The following TMED5 variants were observed in gnomAD, a reference collection of about 807,000 sequenced individuals.
The protein encoded by TMED5 is transmembrane p24 trafficking protein 5.
Under a neutral mutation model 23.0 loss-of-function variants are expected in TMED5, and 27 were observed. The observed-to-expected ratio is 1.17, with a 90% confidence interval of 0.86 to 1.62. The LOEUF (loss-of-function observed/expected upper bound fraction) is 1.62, where lower values mean the gene tolerates loss of function less well. TMED5 is among the 40% of genes most tolerant of loss of function. The pLI is 0.00. For missense variants in TMED5, 248 were observed against 273.7 expected (o/e 0.91, Z 0.66); for synonymous variants, 97 against 100.8 (o/e 0.96, Z 0.23).
rs1359060153 is a variant in TMED5, at chr1:93,150,512, T to C, written c.*4158A>G. The C allele has an allele frequency of 1.3e-5, 2 of 152,252 alleles. No individual in the cohort carries two copies. The highest frequency in any genetic ancestry group is 2.9e-5 in the Non-Finnish European group (2 of 68,044). The allele number at this position is 152,252 out of a possible 1,614,324, so 9.4% of individuals were successfully genotyped here. On this transcript the variant is annotated 3_prime_UTR_variant, in exon 4 of 4. Coordinates refer to ENST00000370282, the MANE Select transcript of TMED5 (RefSeq NM_016040.5). ...TATGTTAAATGTATGTTTAGTTTTA[T>C]AAGAAACTGCCAAGAATATTTTCCA...
chr1:93,180,270 G>A lies in TMED5; in HGVS notation c.-28C>T. On this transcript the variant is annotated 5_prime_UTR_variant, in exon 1 of 4. Transcript: ENST00000370282. ...CTGCTGGGGCGATCCCGGGCTGAAA[G>A]AGGCGTCAGGTACTGTTGTCTCCGC... The A allele has an allele frequency of 6.3e-7, 1 of 1,589,914 alleles. No individual in the cohort carries two copies. Among genetic ancestry groups the A allele is most frequent in the Non-Finnish European group, 8.5e-7 (1 of 1,171,340 alleles).
At chr1:93,168,216 AG>A (rs1037931255) in intron 1 of TMED5, among the ~76,000 whole-genome samples, 12 of 152,200 alleles carry the variant, frequency 7.9e-5, no homozygotes, top group Non-Finnish European at 1.3e-4. Context: ...AAGGCAGAAA[AG>A]GGGGGAAAGA....
intron 1 of TMED5, among the ~76,000 whole-genome samples, chr1:93,179,385 AC>A (rs1177301347): frequency 1.2e-3 from 174 of 144,888 alleles, no homozygotes; most frequent in African/African-American, 3.9e-3. Flanking sequence ...AAAAAAAAAA[AC>A]AATGACACGA....
chr1:93,151,877 A>G lies in TMED5; in HGVS notation c.*2793T>C, dbSNP rs1349983899. The G allele has an allele frequency of 6.6e-6, 1 of 152,238 alleles. No homozygotes were observed. The highest frequency in any genetic ancestry group is 2.4e-5 in the African/African-American group (1 of 41,472). The allele number at this position is 152,238 out of a possible 1,614,324, so 9.4% of individuals were successfully genotyped here. A position where few individuals can be genotyped will look rare whatever the true frequency, so the allele number is the denominator to read the frequency against. On this transcript the variant is annotated 3_prime_UTR_variant, in exon 4 of 4. Coordinates refer to ENST00000370282, the MANE Select transcript of TMED5 (RefSeq NM_016040.5). The stretch of plus-strand genomic sequence containing the variant: ...TTCTTTGATAATTTTTATTATATAC[A>G]TATCAGTACTCACAATACGTTGCTT...
intron 1 of TMED5, among the ~76,000 whole-genome samples, chr1:93,164,484 TAGAGATCAC>T (rs1223110305): frequency 6.6e-6 from 1 of 152,138 alleles, no homozygotes; most frequent in Non-Finnish European, 1.5e-5. Flanking sequence ...CACCAGTACA[TAGAGATCAC>T]AAGAAAGCTT....
At chr1:93,175,532 A>G (rs1335306962) in intron 1 of TMED5, among the ~76,000 whole-genome samples, 2 of 151,662 alleles carry the variant, frequency 1.3e-5, no homozygotes, top group Admixed American at 1.3e-4. Flanking sequence ...AGATCAATAA[A>G]GTAGTCCTAT....
chr1:93,161,954 A>G (rs374067630), intron 1 of TMED5: 1 of 152,306 alleles, frequency 6.6e-6, no homozygotes, highest in African/African-American at 2.4e-5. Context: ...TACAAATTAA[A>G]GTGTCTCAGT....
At chr1:93,155,036 C>G (rs1352676461) in intron 3 of TMED5, 148 bp from the exon 4 acceptor site, 2 of 611,940 alleles carry the variant, frequency 3.3e-6, no homozygotes, top group Non-Finnish European at 5.7e-6. Context: ...CCCAGGAGTT[C>G]AAGACTGGGC....
At chr1:93,158,647 T>G (rs370667375) in intron 2 of TMED5, among the ~76,000 whole-genome samples, 1 of 151,004 alleles carries the variant, frequency 6.6e-6, no homozygotes, top group Non-Finnish European at 1.5e-5. Flanking sequence ...CTCAGCTCAC[T>G]GCAACCTCCG....
rs1647885668 is a variant in TMED5 at position 93,151,882 on chromosome 1, A to C, written c.*2788T>G. ...TGATAATTTTTATTATATACATATC[A>C]GTACTCACAATACGTTGCTTATTTA... On this transcript the variant is annotated 3_prime_UTR_variant, in exon 4 of 4. Transcript: ENST00000370282. 1 of 152,244 alleles carries C rather than the reference A, an allele frequency of 6.6e-6. No individual in the cohort carries two copies. The highest frequency in any genetic ancestry group is 6.5e-5 in the Admixed American group (1 of 15,282). The allele number at this position is 152,244 out of a possible 1,614,324, so 9.4% of individuals were successfully genotyped here. A position where few individuals can be genotyped will look rare whatever the true frequency, so the allele number is the denominator to read the frequency against.
At chr1:93,163,635 G>A (rs1383723636) in intron 1 of TMED5, among the ~76,000 whole-genome samples, 1 of 151,402 alleles carries the variant, frequency 6.6e-6, no homozygotes, top group Non-Finnish European at 1.5e-5. Flanking sequence ...GAGCCACTGT[G>A]CCTGGCCATA....
In TMED5 at chr1:93,150,375, TC is replaced by T. The variant is rs937615130; in HGVS notation, c.*4294del. 3.9e-5 allele frequency: 6 copies of T among 152,254 alleles called. No individual in the cohort carries two copies. The highest frequency in any genetic ancestry group is 1.4e-4 in the African/African-American group (6 of 41,454). The allele number at this position is 152,254 out of a possible 1,614,324, so 9.4% of individuals were successfully genotyped here. ...AACCATTCACTCTTTTTGAAGGACA[TC>T]CAGGTTGTTTCCGGGTTTTGGCTAT... On this transcript the variant is annotated 3_prime_UTR_variant, in exon 4 of 4. Coordinates refer to ENST00000370282, the MANE Select transcript of TMED5 (RefSeq NM_016040.5).
chr1:93,172,635 C>CAAATT (rs1648767570), intron 1 of TMED5, among the ~76,000 whole-genome samples: 2 of 152,102 alleles, frequency 1.3e-5, no homozygotes, highest in Admixed American at 1.3e-4. Flanking sequence ...AAAGAAAAAA[C>CAAATT]AAATTAGTAC....
At chr1:93,157,609 G>T (rs537777330) in intron 2 of TMED5, among the ~76,000 whole-genome samples, 3 of 151,958 alleles carry the variant, frequency 2.0e-5, no homozygotes, top group Non-Finnish European at 4.4e-5. Flanking sequence ...CTAGCTACTC[G>T]GGAGGCTTGG....
intron 1 of TMED5, among the ~76,000 whole-genome samples, chr1:93,166,286 T>C (rs556151655): frequency 1.3e-5 from 2 of 152,326 alleles, no homozygotes; most frequent in African/African-American, 4.8e-5. Context: ...TACCCAGTGG[T>C]GGGATTGCTG....
chr1:93,152,175 C>T lies in TMED5; in HGVS notation c.*2495G>A, dbSNP rs529958328. ...GAAAGAACAGCATAACATTAATCAT[C>T]CAAATGCATATCAGAGCAAACTCTA... On this transcript the variant is annotated 3_prime_UTR_variant, in exon 4 of 4. Coordinates refer to ENST00000370282, the MANE Select transcript of TMED5 (RefSeq NM_016040.5). 292 of 152,662 alleles carry T rather than the reference C, an allele frequency of 1.9e-3. No individual in the cohort carries two copies. Among genetic ancestry groups the T allele is most frequent in the African/African-American group, 6.9e-3 (285 of 41,548 alleles). The allele number at this position is 152,662 out of a possible 1,614,324, so 9.5% of individuals were successfully genotyped here.
At chr1:93,180,004 G>A (rs377329443) in intron 1 of TMED5, 50 bp downstream of exon 1, 3 of 1,555,054 alleles carry the variant, frequency 1.9e-6, no homozygotes, top group South Asian at 2.3e-5. Flanking sequence ...AGGCGACAAC[G>A]CAGTGCAGCT....
intron 1 of TMED5, among the ~76,000 whole-genome samples, chr1:93,177,084 G>A (rs532377398): frequency 6.6e-6 from 1 of 152,152 alleles, no homozygotes; most frequent in Non-Finnish European, 1.5e-5. Context: ...AAACTAGATT[G>A]TTCTATAAAA....
At chr1:93,168,542 A>AG (rs1413908897) in intron 1 of TMED5, among the ~76,000 whole-genome samples, 1 of 152,234 alleles carries the variant, frequency 6.6e-6, no homozygotes, top group Non-Finnish European at 1.5e-5. Context: ...AGGGATAAAG[A>AG]GGGGCATTAC....
Sources: allele counts gnomAD v4.1 joint callset (sites outside exome capture counted in the v4.1 genomes callset), GRCh38; gene constraint gnomAD v4.1.1; transcripts MANE v1.5; gene names NCBI Gene and HGNC (gene_info 2026-07-23, HGNC 2026-07-21).